The following MSRB3 variants were observed in gnomAD, a reference collection of about 807,000 sequenced individuals.
The protein encoded by MSRB3 is methionine sulfoxide reductase B3.
A neutral mutation model predicts 21.0 loss-of-function variants in MSRB3; 13 were observed. The observed-to-expected ratio is 0.62, with a 90% CI of 0.40 to 0.98. MSRB3 has a LOEUF of 0.98. Among genes scored for constraint, MSRB3 ranks in the 50% least tolerant of loss-of-function variants. The pLI, the probability that MSRB3 is intolerant of heterozygous loss-of-function variation, is 0.00. For synonymous variants in MSRB3, 87 were observed against 88.6 expected, an observed-to-expected ratio of 0.98 and a Z score of 0.10; for missense variants, 199 against 230.3, an observed-to-expected ratio of 0.86 and a Z score of 0.88.
At chr12:65,295,806 A>G (rs1357364556) in intron 1 of MSRB3, among the ~76,000 whole-genome samples, 3 of 152,192 alleles carry the variant, frequency 2.0e-5, no homozygotes, top group Non-Finnish European at 4.4e-5. Flanking sequence ...GAACCTAGGA[A>G]AAAAGGAATT....
chr12:65,422,280 A>G (rs1881341684), intron 5 of MSRB3, among the ~76,000 whole-genome samples: 1 of 151,530 alleles, frequency 6.6e-6, no homozygotes, highest in Non-Finnish European at 1.5e-5. Flanking sequence ...ATAGTAGGGT[A>G]AGACTTCAGC....
intron 2 of MSRB3, among the ~76,000 whole-genome samples, chr12:65,315,087 C>G (rs1339929701): frequency 1.3e-5 from 2 of 152,246 alleles, no homozygotes; most frequent in South Asian, 4.2e-4. Flanking sequence ...TTACTATCAT[C>G]CTTTCCTAGT....
At position 65,465,490 on chromosome 12, in the gene MSRB3, G is replaced by A. The variant is rs987236334; in HGVS notation, c.*2168G>A. 6.6e-6 allele frequency: 1 copy of A among 152,166 alleles called. No individual in the cohort carries two copies. Among genetic ancestry groups the A allele is most frequent in the East Asian group, 1.9e-4 (1 of 5,190 alleles). 9.4% of individuals were successfully genotyped at this position (152,166 alleles called of 1,614,324 possible). A position where few individuals can be genotyped will look rare whatever the true frequency, so the allele number is the denominator to read the frequency against. On this transcript the variant is annotated 3_prime_UTR_variant, in exon 7 of 7. Coordinates refer to ENST00000308259, the MANE Select transcript of MSRB3 (RefSeq NM_001031679.3). ...TAAAGAAACAACAAGAAATTAGAAT[G>A]AAAATCTGTGACAAACAGCGTCAGT...
At chr12:65,393,057 C>T (rs1879569590) in intron 5 of MSRB3, among the ~76,000 whole-genome samples, 2 of 151,844 alleles carry the variant, frequency 1.3e-5, no homozygotes, top group African/African-American at 4.8e-5. Flanking sequence ...AGTGTTATGT[C>T]TTGTGAATTA....
At chr12:65,364,388 C>T (rs1877887117) in intron 4 of MSRB3, among the ~76,000 whole-genome samples, 1 of 152,144 alleles carries the variant, frequency 6.6e-6, no homozygotes, top group Non-Finnish European at 1.5e-5. Flanking sequence ...GTGCTATAAT[C>T]ACCATCTTTT....
chr12:65,421,594 T>G (rs1019053481), intron 5 of MSRB3, among the ~76,000 whole-genome samples: 2 of 152,208 alleles, frequency 1.3e-5, no homozygotes, highest in Admixed American at 1.3e-4. Context: ...TTTATAGTTT[T>G]GGGTTTTACA....
intron 4 of MSRB3, among the ~76,000 whole-genome samples, chr12:65,355,374 C>T (rs551141658): frequency 6.6e-6 from 1 of 151,848 alleles, no homozygotes; most frequent in East Asian, 2.0e-4. Flanking sequence ...AGTGAGTAGA[C>T]AAAAGAGAGT....
chr12:65,379,178 CCAT>C (rs1878805145), intron 5 of MSRB3, among the ~76,000 whole-genome samples: 1 of 148,952 alleles, frequency 6.7e-6, no homozygotes, highest in African/African-American at 2.5e-5. Context: ...TTCCATCCAT[CCAT>C]CCATCCATCC....
intron 5 of MSRB3, among the ~76,000 whole-genome samples, chr12:65,450,724 AATTTT>A (rs759104095): frequency 1.3e-4 from 20 of 152,190 alleles, no homozygotes; most frequent in Non-Finnish European, 2.6e-4. Context: ...TACTCAAGAT[AATTTT>A]CTCAACAAGA....
Position 65,464,876 on chromosome 12 carries a change from G to A in MSRB3, c.*1554G>A, listed in dbSNP as rs950799752. 2.6e-5 allele frequency: 4 copies of A among 152,228 alleles called. No individual in the cohort carries two copies. Among genetic ancestry groups the A allele is most frequent in the Non-Finnish European group, 4.4e-5 (3 of 68,050 alleles). The allele number at this position is 152,228 out of a possible 1,614,324, so 9.4% of individuals were successfully genotyped here. On this transcript the variant is annotated 3_prime_UTR_variant, in exon 7 of 7. Transcript: ENST00000308259. The stretch of plus-strand genomic sequence containing the variant: ...TTTCATACTCAACATAATCTTCTGT[G>A]TGACAAAGGACAAGCCATGTAGCCT...
At position 65,454,137 on chromosome 12, in the gene MSRB3, C is replaced by T. The variant is rs1592652372; in HGVS notation, c.390+312C>T. The T allele has an allele frequency of 1.2e-5, 7 of 581,262 alleles. No individual in the cohort carries two copies. The East Asian group carries it at 2.0e-4, about 17-fold the overall frequency. 36.0% of individuals were successfully genotyped at this position (581,262 alleles called of 1,614,324 possible). A position where few individuals can be genotyped will look rare whatever the true frequency, so the allele number is the denominator to read the frequency against. On this transcript the variant is annotated intron_variant, in intron 6 of 6. Coordinates refer to ENST00000308259, the MANE Select transcript of MSRB3 (RefSeq NM_001031679.3). ...CGTCTCTACAGAAAATATTTTAAAA[C>T]TTAGCAGGGCATGGTAGCATATGCC...
At chr12:65,443,030 A>T (rs1184878424) in intron 5 of MSRB3, among the ~76,000 whole-genome samples, 1 of 152,216 alleles carries the variant, frequency 6.6e-6, no homozygotes, top group Admixed American at 6.5e-5. Context: ...TCACAAAGGG[A>T]AATAGGGAAG....
intron 1 of MSRB3, among the ~76,000 whole-genome samples, chr12:65,291,508 A>T (rs527372536): frequency 7.5e-4 from 113 of 151,534 alleles, no homozygotes; most frequent in African/African-American, 2.7e-3. Context: ...AGCCTGCTCA[A>T]ACCTGCCCCC....
At chr12:65,430,737 A>T (rs1293160481) in intron 5 of MSRB3, among the ~76,000 whole-genome samples, 3 of 152,046 alleles carry the variant, frequency 2.0e-5, no homozygotes, top group Non-Finnish European at 4.4e-5. Context: ...AATTGTATTA[A>T]ATTTGAAGAC....
intron 5 of MSRB3, among the ~76,000 whole-genome samples, chr12:65,439,487 G>T (rs1360976648): frequency 6.6e-6 from 1 of 151,500 alleles, no homozygotes; most frequent in Admixed American, 6.6e-5. Context: ...ATATAATTTT[G>T]TATTCTCATG....
At chr12:65,349,037 T>C (rs1876741260) in intron 4 of MSRB3, among the ~76,000 whole-genome samples, 1 of 152,110 alleles carries the variant, frequency 6.6e-6, no homozygotes, top group Non-Finnish European at 1.5e-5. Context: ...TAGGTATATC[T>C]CCCAGTGCTA....
At position 65,290,625 on chromosome 12, in the gene MSRB3, T is replaced by C. The variant is rs11175719; in HGVS notation, c.-52+11760T>C. ...AACTGGGGGGAAAAGTATGCCTTATTTGTTATCCTTCTAAAATATTTCAGT... is the reference window on the plus strand; with the variant it reads ...AACTGGGGGGAAAAGTATGCCTTATCTGTTATCCTTCTAAAATATTTCAGT... On this transcript the variant is annotated intron_variant, in intron 1 of 6. Coordinates refer to ENST00000308259, the MANE Select transcript of MSRB3 (RefSeq NM_001031679.3). Among the ~76,000 whole-genome samples the C allele has an allele frequency of 8.7e-3, 1,320 of 152,326 alleles. 19 individuals are homozygous for C. Among genetic ancestry groups the C allele is most frequent in the African/African-American group, 0.031 (1,270 of 41,572 alleles).
intron 5 of MSRB3, among the ~76,000 whole-genome samples, chr12:65,438,852 TAATG>T (rs1882242032): frequency 1.3e-5 from 2 of 151,748 alleles, no homozygotes; most frequent in East Asian, 1.9e-4. Flanking sequence ...AATCCTGTAA[TAATG>T]GGCAAGAATG....
chr12:65,382,617 C>T (rs1555207956), intron 5 of MSRB3, among the ~76,000 whole-genome samples: 1 of 151,360 alleles, frequency 6.6e-6, no homozygotes, highest in Non-Finnish European at 1.5e-5. Flanking sequence ...TTTTTTTCAT[C>T]ACGACCACCT....
Sources: allele counts gnomAD v4.1 joint callset (sites outside exome capture counted in the v4.1 genomes callset), GRCh38; gene constraint gnomAD v4.1.1; transcripts MANE v1.5; gene names NCBI Gene and HGNC (gene_info 2026-07-23, HGNC 2026-07-21).